The following KRABD4 variants were observed in gnomAD, a reference collection of about 807,000 sequenced individuals.
KRABD4 encodes KRAB domain containing 4.
chrX:46,465,476 G>A, the KRABD4 span, among the ~76,000 whole-genome samples: 1 of 113,073 alleles, frequency 8.8e-6, no homozygotes, highest in Admixed American at 9.3e-5. Context: ...GTTGTAGAAT[G>A]GGGCTAATGA....
At chrX:46,452,049 A>G in the KRABD4 span, among the ~76,000 whole-genome samples, 1 of 111,852 alleles carries the variant, frequency 8.9e-6, no homozygotes, top group African/African-American at 3.2e-5. Flanking sequence ...AGACTCAACA[A>G]TCCTCCCACC....
At chrX:46,473,219 T>C in the KRABD4 span, 1 of 1,177,594 alleles carries the variant, frequency 8.5e-7, no homozygotes, top group East Asian at 3.1e-5. Context: ...AACTTAGTTG[T>C]ACATCAAAGA....
At chrX:46,473,005 A>G in the KRABD4 span, 1 of 1,211,338 alleles carries the variant, frequency 8.3e-7, no homozygotes, top group Non-Finnish European at 1.1e-6. Flanking sequence ...TGTAAGAAAG[A>G]AAGATGATGG....
chrX:46,467,295 G>A, the KRABD4 span, among the ~76,000 whole-genome samples: 1 of 111,875 alleles, frequency 8.9e-6, no homozygotes, highest in Non-Finnish European at 1.9e-5. Context: ...CCTCACGCCT[G>A]TAATCCCAGC....
chrX:46,455,013 T>A, the KRABD4 span: 1 of 330,792 alleles, frequency 3.0e-6, no homozygotes, highest in East Asian at 6.1e-5. Context: ...TCTTACTTAC[T>A]TCATTGTCAC....
chrX:46,464,492 T>G, the KRABD4 span, among the ~76,000 whole-genome samples: 1 of 112,206 alleles, frequency 8.9e-6, no homozygotes, highest in Non-Finnish European at 1.9e-5. Flanking sequence ...GACCTACAGG[T>G]GACTCCTCAG....
chrX:46,466,321 T>C, the KRABD4 span, among the ~76,000 whole-genome samples: 1 of 112,168 alleles, frequency 8.9e-6, no homozygotes, highest in Non-Finnish European at 1.9e-5. Flanking sequence ...CATTTTATTA[T>C]GAAAATTTTT....
chrX:46,468,288 A>G, the KRABD4 span, among the ~76,000 whole-genome samples: 1 of 111,241 alleles, frequency 9.0e-6, no homozygotes, highest in East Asian at 2.8e-4. Context: ...TAATCCCAGC[A>G]CTTTGGGAGG....
chrX:46,456,094 G>A, the KRABD4 span: 1 of 321,589 alleles, frequency 3.1e-6, no homozygotes, highest in South Asian at 3.5e-5. Flanking sequence ...GCACGACACA[G>A]ATATAGCTGG....
At chrX:46,466,456 C>T in the KRABD4 span, among the ~76,000 whole-genome samples, 1 of 112,067 alleles carries the variant, frequency 8.9e-6, no homozygotes, top group African/African-American at 3.2e-5. Flanking sequence ...CTGCCAATTC[C>T]TCTGTCCTTC....
chrX:46,468,062 T>C, the KRABD4 span, among the ~76,000 whole-genome samples: 1 of 112,073 alleles, frequency 8.9e-6, no homozygotes, highest in Non-Finnish European at 1.9e-5. Flanking sequence ...TTTTAGTTCT[T>C]ATATTTATAA....
At chrX:46,473,238 C>T in the KRABD4 span, 11 of 1,175,319 alleles carry the variant, frequency 9.4e-6, no homozygotes, top group Admixed American at 1.5e-4. Flanking sequence ...GAACTCACAC[C>T]GGAGAGAAAC....
the KRABD4 span, chrX:46,455,244 C>A: frequency 9.5e-7 from 1 of 1,049,876 alleles, no homozygotes; most frequent in South Asian, 2.0e-5. Flanking sequence ...AGAGCACCCT[C>A]TTGGATTCTT....
At chrX:46,456,654 A>C in the KRABD4 span, 3 of 274,056 alleles carry the variant, frequency 1.1e-5, no homozygotes, top group South Asian at 1.5e-4. Flanking sequence ...CCAAGCAGGA[A>C]GCATAACGAG....
the KRABD4 span, among the ~76,000 whole-genome samples, chrX:46,464,759 C>T: frequency 8.9e-6 from 1 of 112,045 alleles, no homozygotes; most frequent in Non-Finnish European, 1.9e-5. Flanking sequence ...CAGTGCTATC[C>T]CAGAAGGGAG....
the KRABD4 span, chrX:46,471,929 C>T: frequency 2.7e-5 from 3 of 112,111 alleles, no homozygotes; most frequent in Non-Finnish European, 3.8e-5. Flanking sequence ...ATAAACATCA[C>T]GTGCAGGCTT....
chrX:46,451,720 A>G, the KRABD4 span, among the ~76,000 whole-genome samples: 1 of 111,972 alleles, frequency 8.9e-6, no homozygotes, highest in Non-Finnish European at 1.9e-5. Flanking sequence ...GCTATTAAAG[A>G]TGAAAAGGCA....
At chrX:46,472,522 T>C in the KRABD4 span, 1 of 357,735 alleles carries the variant, frequency 2.8e-6, no homozygotes, top group Non-Finnish European at 4.8e-6. Context: ...TATTTTCTGG[T>C]TTGAGCTTGG....
chrX:46,465,575 C>T, the KRABD4 span, among the ~76,000 whole-genome samples: 2 of 112,839 alleles, frequency 1.8e-5, no homozygotes, highest in South Asian at 3.6e-4. Context: ...AATGATATCA[C>T]TATTTTTATT....
Sources: allele counts gnomAD v4.1 joint callset (sites outside exome capture counted in the v4.1 genomes callset), GRCh38; gene constraint gnomAD v4.1.1; transcripts MANE v1.5; gene names NCBI Gene and HGNC (gene_info 2026-07-23, HGNC 2026-07-21).